CA8: variants seen among roughly 807,000 people sequenced by gnomAD.
CA8 encodes carbonic anhydrase 8 (inactive), also known as carbonic anhydrase-related protein.
CA8 carries 22 observed loss-of-function variants against 41.4 expected under a neutral mutation model. The observed-to-expected ratio is 0.53, with a 90% CI of 0.38 to 0.76. CA8 has a LOEUF of 0.76. Ranked by LOEUF, CA8 falls within the 30% of genes least tolerant of loss-of-function variation. The probability of loss-of-function intolerance (pLI) is 0.00; values close to 1 mark genes in which losing one functional copy is unlikely to be tolerated. For missense variants in CA8, 270 were observed against 352.8 expected (o/e 0.77, Z 1.88); for synonymous variants, 121 against 130.6 (o/e 0.93, Z 0.50).
At chr8:60,228,681 T>G (rs1220870321) in intron 4 of CA8, among the ~76,000 whole-genome samples, 1 of 152,288 alleles carries the variant, frequency 6.6e-6, no homozygotes, top group East Asian at 1.9e-4. Context: ...GAAGATAAGA[T>G]TAAATCAAAC....
At chr8:60,196,446 T>C (rs1403306734) in intron 8 of CA8, among the ~76,000 whole-genome samples, 3 of 152,118 alleles carry the variant, frequency 2.0e-5, no homozygotes, top group Admixed American at 6.6e-5. Context: ...ATAGAGGTGC[T>C]GTGTTCCCCA....
intron 3 of CA8, among the ~76,000 whole-genome samples, chr8:60,234,671 C>T (rs1330291018): frequency 2.0e-5 from 3 of 152,142 alleles, no homozygotes; most frequent in African/African-American, 7.2e-5. Context: ...CAAAATAACA[C>T]GAAATGAAAG....
intron 8 of CA8, among the ~76,000 whole-genome samples, chr8:60,202,280 T>C (rs1332516123): frequency 6.6e-6 from 1 of 151,576 alleles, no homozygotes; most frequent in Non-Finnish European, 1.5e-5. Context: ...TCTTATCTCC[T>C]GACCTCATGA....
chr8:60,230,550 AC>A (rs946400672), intron 4 of CA8, among the ~76,000 whole-genome samples: 27 of 148,484 alleles, frequency 1.8e-4, no homozygotes, highest in South Asian at 4.4e-4. Context: ...TGAGGACCCG[AC>A]CCCCCCGATG....
rs896943492 is a variant in CA8, at chr8:60,246,893, T to C, written c.418-14514A>G. Among the ~76,000 whole-genome samples the C allele has an allele frequency of 4.6e-3, 651 of 141,866 alleles. 6 individuals carry two copies. The highest frequency in any genetic ancestry group is 0.016 in the African/African-American group (617 of 37,796). 93.1% of individuals were successfully genotyped at this position (141,866 alleles called of 152,430 possible). A position where few individuals can be genotyped will look rare whatever the true frequency, so the allele number is the denominator to read the frequency against. On this transcript the variant is annotated intron_variant, in intron 3 of 8. Coordinates refer to ENST00000317995, the MANE Select transcript of CA8 (RefSeq NM_004056.6). The stretch of plus-strand genomic sequence containing the variant: ...ATAACCACTTTTTTTTTTTTTTTTT[T>C]TTTTTTTTGAGATGGAGTCTTGCTC...
chr8:60,191,766 C>T (rs1001866482), intron 8 of CA8, among the ~76,000 whole-genome samples: 22 of 152,056 alleles, frequency 1.4e-4, no homozygotes, highest in South Asian at 8.3e-4. Flanking sequence ...TATTAAGCTA[C>T]CATGGCCCAA....
chr8:60,188,545 A>T lies in CA8; in HGVS notation c.*1476T>A, dbSNP rs1315161036. 1 of 152,186 alleles carries T rather than the reference A, an allele frequency of 6.6e-6. No homozygotes were observed. Among genetic ancestry groups the T allele is most frequent in the African/African-American group, 2.4e-5 (1 of 41,436 alleles). The allele number at this position is 152,186 out of a possible 1,614,324, so 9.4% of individuals were successfully genotyped here. ...TGCTAGATGTAAATATTTTTGTCAC[A>T]GTTTTGTAACCATGCTTCACCGTTT... is the stretch of plus-strand genomic sequence containing the variant. On this transcript the variant is annotated 3_prime_UTR_variant, in exon 9 of 9. Transcript: ENST00000317995.
Position 60,192,937 on chromosome 8 carries a change from G to GCGCA in CA8, c.*36-2953_*36-2952insTGCG, listed in dbSNP as rs1554573987. ...CCCTCTTTCCTCCTGTCAACATCAT[G>GCGCA]CACACACACACACACACACACACAC... On this transcript the variant is annotated intron_variant, in intron 8 of 8. Coordinates refer to ENST00000317995, the MANE Select transcript of CA8 (RefSeq NM_004056.6). Among the ~76,000 whole-genome samples the GCGCA allele has an allele frequency of 1.7e-4, 24 of 140,770 alleles. No individual in the cohort carries two copies. In the East Asian group the frequency reaches 4.6e-3, roughly 27 times the overall value. 92.4% of individuals were successfully genotyped at this position (140,770 alleles called of 152,430 possible). A position where few individuals can be genotyped will look rare whatever the true frequency, so the allele number is the denominator to read the frequency against.
At chr8:60,204,549 G>A (rs62511575) in intron 8 of CA8, among the ~76,000 whole-genome samples, 7,824 of 152,216 alleles carry the variant, frequency 0.051, 226 homozygotes, top group South Asian at 0.1. Context: ...TACAGCTCTT[G>A]TATTTTTCAT....
intron 5 of CA8, 151 bp from the exon 6 acceptor site, chr8:60,224,736 T>C (rs1358511320): frequency 1.6e-6 from 1 of 630,908 alleles, no homozygotes; most frequent in South Asian, 1.9e-5. Flanking sequence ...TTCCACCTTC[T>C]CATTGGAGTA....
intron 2 of CA8, among the ~76,000 whole-genome samples, chr8:60,272,497 G>C (rs1585933973): frequency 6.6e-6 from 1 of 151,884 alleles, no homozygotes; most frequent in Non-Finnish European, 1.5e-5. Flanking sequence ...CCTTTATCAT[G>C]AACAAATCTC....
intron 2 of CA8, among the ~76,000 whole-genome samples, chr8:60,276,706 G>A (rs1282734186): frequency 2.6e-5 from 4 of 152,118 alleles, no homozygotes; most frequent in Non-Finnish European, 5.9e-5. Flanking sequence ...CCACCACTAT[G>A]CAATATATCC....
At chr8:60,258,316 A>G (rs1803617155) in intron 3 of CA8, among the ~76,000 whole-genome samples, 1 of 152,254 alleles carries the variant, frequency 6.6e-6, no homozygotes, top group African/African-American at 2.4e-5. Context: ...TGCCTAATAC[A>G]TAAATTAAAC....
chr8:60,189,255 T>A lies in CA8; in HGVS notation c.*766A>T, dbSNP rs1338677927. The A allele has an allele frequency of 6.6e-6, 1 of 152,182 alleles. No individual in the cohort carries two copies. The highest frequency in any genetic ancestry group is 2.4e-5 in the African/African-American group (1 of 41,444). The allele number at this position is 152,182 out of a possible 1,614,324, so 9.4% of individuals were successfully genotyped here. On this transcript the variant is annotated 3_prime_UTR_variant, in exon 9 of 9. Transcript: ENST00000317995. ...TATTTCTATGTATGGAAAGTAAAGC[T>A]ATTCCTGGTACATGGTGCTGACCTT...
intron 8 of CA8, among the ~76,000 whole-genome samples, chr8:60,193,007 C>T (rs1806180135): frequency 6.6e-6 from 1 of 151,230 alleles, no homozygotes; most frequent in African/African-American, 2.4e-5. Flanking sequence ...CCCATCTTCC[C>T]ATCACCCCAT....
intron 2 of CA8, among the ~76,000 whole-genome samples, chr8:60,271,381 A>G (rs756610648): frequency 2.0e-5 from 3 of 152,174 alleles, no homozygotes; most frequent in Non-Finnish European, 2.9e-5. Flanking sequence ...AGAAGGAAAA[A>G]GAAGTTCAGC....
chr8:60,231,032 T>C (rs916667913), intron 4 of CA8, among the ~76,000 whole-genome samples: 2 of 152,206 alleles, frequency 1.3e-5, no homozygotes, highest in Non-Finnish European at 2.9e-5. Flanking sequence ...AATGAGATAG[T>C]ACATTCTACT....
rs764017237 is a variant in CA8, at chr8:60,279,802, C to G, written c.179G>C (p.Arg60Thr). 3.7e-6 allele frequency: 6 copies of G among 1,613,972 alleles called. No individual in the cohort carries two copies. Among genetic ancestry groups the G allele is most frequent in the Non-Finnish European group, 5.1e-6 (6 of 1,180,006 alleles). The change falls in exon 2 of 9, where the codon AGG becomes ACG. Residue 60 changes from arginine to threonine, a missense_variant. Transcript: ENST00000317995. ...GACATCCAACAGCGAGGGGTCATAC[C>G]TAGCCTCTCTTGAGTTTAGGTTAAT... The part of the protein sequence containing the change: ...SPINLNSREA[R>T]YDPSLLDVRL...
rs1483252123 is a variant in CA8, at chr8:60,186,331, C to G, written c.*3690G>C. Among the ~76,000 whole-genome samples the G allele has an allele frequency of 6.6e-6, 1 of 151,376 alleles. No individual in the cohort carries two copies. The highest frequency in any genetic ancestry group is 1.5e-5 in the Non-Finnish European group (1 of 67,780). ...TCACTGTAATAAAGTTATTATAAAT[C>G]TGAAATAGATTCTGATAAATTAACA... On this transcript the variant is annotated 3_prime_UTR_variant, in exon 9 of 9. Transcript: ENST00000317995.
Sources: gnomAD v4.1 joint callset for allele counts (sites outside exome capture counted in the v4.1 genomes callset) on GRCh38, gnomAD v4.1.1 for gene constraint, MANE v1.5 for transcripts, NCBI Gene and HGNC (gene_info 2026-07-23, HGNC 2026-07-21) for gene names.